TMEM9B: variants seen among roughly 807,000 people sequenced by gnomAD.
TMEM9B encodes the protein transmembrane protein 9B.
In TMEM9B, 8 loss-of-function variants were observed where a neutral mutation model predicts 23.5. The observed-to-expected ratio is 0.34, with a 90% CI of 0.20 to 0.61. The LOEUF (loss-of-function observed/expected upper bound fraction) is 0.61, where lower values mean the gene tolerates loss of function less well. Among genes scored for constraint, TMEM9B ranks in the 20% least tolerant of loss-of-function variants. The pLI is 0.78. For synonymous variants in TMEM9B, 106 were observed against 96.3 expected (o/e 1.10, Z -0.59); for missense variants, 197 against 252.3 (o/e 0.78, Z 1.49).
Position 8,948,082 on chromosome 11 carries a change from A to G in TMEM9B, c.*238T>C. 2.7e-6 allele frequency: 1 copy of G among 375,276 alleles called. No individual in the cohort carries two copies. The highest frequency in any genetic ancestry group is 4.8e-6 in the Non-Finnish European group (1 of 210,234). The allele number at this position is 375,276 out of a possible 1,614,324, so 23.2% of individuals were successfully genotyped here. A position where few individuals can be genotyped will look rare whatever the true frequency, so the allele number is the denominator to read the frequency against. On this transcript the variant is annotated 3_prime_UTR_variant, in exon 5 of 5. Coordinates refer to ENST00000534025, the MANE Select transcript of TMEM9B (RefSeq NM_020644.3). The stretch of plus-strand genomic sequence containing the variant: ...TACAGGCAGATTTATTTTTATTAGT[A>G]AAAGTCACAAATAGGAAAAGACTTA...
intron 1 of TMEM9B, chr11:8,963,883 A>C (rs1168978464): frequency 6.2e-6 from 2 of 324,032 alleles, no homozygotes; most frequent in South Asian, 4.7e-5. Flanking sequence ...CTCGGAGGTG[A>C]AAAGGTTGTC....
At chr11:8,960,613 C>A (rs1421207788) in intron 2 of TMEM9B, among the ~76,000 whole-genome samples, 2 of 151,816 alleles carry the variant, frequency 1.3e-5, no homozygotes, top group African/African-American at 4.8e-5. Context: ...TTACTGATAA[C>A]AGAATAAACT....
chr11:8,952,298 T>TAA (rs1853898659), intron 4 of TMEM9B, among the ~76,000 whole-genome samples: 3 of 136,340 alleles, frequency 2.2e-5, no homozygotes, highest in Non-Finnish European at 4.7e-5. Flanking sequence ...TATATATATA[T>TAA]AAACATATAT....
intron 4 of TMEM9B, among the ~76,000 whole-genome samples, 155 bp from the exon 5 acceptor site, chr11:8,948,630 C>T (rs1005356208): frequency 6.6e-6 from 1 of 152,142 alleles, no homozygotes; most frequent in African/African-American, 2.4e-5. Flanking sequence ...GCTCAACTAC[C>T]AGATAGAGTA....
intron 4 of TMEM9B, chr11:8,952,786 G>A (rs982882604): frequency 3.4e-6 from 1 of 293,110 alleles, no homozygotes; most frequent in African/African-American, 2.2e-5. Context: ...ACTTCATTAA[G>A]AAAAGAACAT....
intron 4 of TMEM9B, 124 bp downstream of exon 4, chr11:8,953,079 G>A: frequency 8.4e-7 from 1 of 1,190,894 alleles, no homozygotes; most frequent in Non-Finnish European, 1.2e-6. Flanking sequence ...GCTGTTTTTA[G>A]CTTCTCTAGT....
At chr11:8,963,015 G>A (rs1437290334) in intron 1 of TMEM9B, among the ~76,000 whole-genome samples, 1 of 152,224 alleles carries the variant, frequency 6.6e-6, no homozygotes, top group Non-Finnish European at 1.5e-5. Context: ...ACCACTTAGT[G>A]AGCATTTGCT....
chr11:8,964,346 C>G lies in TMEM9B; in HGVS notation c.-33G>C, dbSNP rs755404001. 1 of 1,540,264 alleles carries G rather than the reference C, an allele frequency of 6.5e-7. No homozygotes were observed. Among genetic ancestry groups the G allele is most frequent in the Admixed American group, 2.0e-5 (1 of 50,050 alleles). The stretch of plus-strand genomic sequence containing the variant: ...GGCCCAGCGGTCCCACAGCCCGGAG[C>G]CCCCGCGACCGGCTCCCGGCTCGGG... On this transcript the variant is annotated 5_prime_UTR_variant, in exon 1 of 5. Coordinates refer to ENST00000534025, the MANE Select transcript of TMEM9B (RefSeq NM_020644.3).
intron 4 of TMEM9B, among the ~76,000 whole-genome samples, chr11:8,949,262 C>T (rs1220650412): frequency 6.6e-6 from 1 of 152,164 alleles, no homozygotes; most frequent in African/African-American, 2.4e-5. Context: ...AGAAAACCAA[C>T]CTAACCTGGT....
At chr11:8,951,923 T>C (rs939199852) in intron 4 of TMEM9B, among the ~76,000 whole-genome samples, 1 of 151,410 alleles carries the variant, frequency 6.6e-6, no homozygotes. Flanking sequence ...CTGGCCAAAA[T>C]GGTGAAACTC....
intron 4 of TMEM9B, 94 bp downstream of exon 4, chr11:8,953,109 G>T (rs762380544): frequency 6.7e-7 from 1 of 1,490,968 alleles, no homozygotes; most frequent in Non-Finnish European, 9.4e-7. Flanking sequence ...GCTTCAGCAC[G>T]TGAACATCTA....
In TMEM9B at chr11:8,962,110, T is replaced by A; in HGVS notation, c.179A>T (p.Asn60Ile). The A allele has an allele frequency of 6.3e-7, 1 of 1,595,594 alleles. No homozygotes were observed. Among genetic ancestry groups the A allele is most frequent in the Non-Finnish European group, 8.5e-7 (1 of 1,171,428 alleles). Reference sequence around the variant, plus strand: ...TACTTACCAATCTTTCTGAGATATGTTCTTATTATAAATATGCCCAGAATT... The same window carrying A: ...TACTTACCAATCTTTCTGAGATATGATCTTATTATAAATATGCCCAGAATT... Reference protein sequence around the residue: ...KENSGHIYNKNISQKDCDCLH... With the variant: ...KENSGHIYNKIISQKDCDCLH... Residue 60 changes from asparagine (N) to isoleucine (I), a missense_variant, in exon 2 of 5, where the codon AAC becomes ATC. Transcript: ENST00000534025.
intron 2 of TMEM9B, among the ~76,000 whole-genome samples, chr11:8,961,775 G>T (rs974358537): frequency 6.6e-6 from 1 of 152,148 alleles, no homozygotes; most frequent in Non-Finnish European, 1.5e-5. Context: ...AAAGCAAGAG[G>T]GAGAAAGGTC....
rs529823865 is a variant in TMEM9B at position 8,947,213 on chromosome 11, A to G, written c.*1107T>C. On this transcript the variant is annotated 3_prime_UTR_variant, in exon 5 of 5. Transcript: ENST00000534025. ...CAGTAGTCTCAGAACAGGGTACAAA[A>G]TGTCTTTATATCTTCAATCTCATTA... is the stretch of plus-strand genomic sequence containing the variant. 1.1e-3 allele frequency: 162 copies of G among 152,768 alleles called. No individual in the cohort carries two copies. The highest frequency in any genetic ancestry group is 3.6e-3 in the African/African-American group (148 of 41,576). 9.5% of individuals were successfully genotyped at this position (152,768 alleles called of 1,614,324 possible).
Position 8,956,194 on chromosome 11 carries a change from AT to A in TMEM9B, c.301del (p.Ile101SerfsTer6). On this transcript the variant is annotated frameshift_variant, in exon 3 of 5. Coordinates refer to ENST00000534025, the MANE Select transcript of TMEM9B (RefSeq NM_020644.3). LOFTEE classifies it high-confidence loss of function. ...CKYEERSSVT[I>X]KVTIIIYLSI... ...ATAGAGGGATATATATTTTACCTTG[AT>A]TGTGACAGAGCTTCTTTCTTCATAT... 6.2e-7 allele frequency: 1 copy of A among 1,612,980 alleles called. No homozygotes were observed. The highest frequency in any genetic ancestry group is 8.5e-7 in the Non-Finnish European group (1 of 1,179,668).
In TMEM9B at chr11:8,948,130, C is replaced by T; in HGVS notation, c.*190G>A. Reference sequence around the variant, plus strand: ...TTATTGGCTGACTTTGAGCTGTGTGCTTTTAAAAATGTCTCTATTATTACG... The same window carrying T: ...TTATTGGCTGACTTTGAGCTGTGTGTTTTTAAAAATGTCTCTATTATTACG... On this transcript the variant is annotated 3_prime_UTR_variant, in exon 5 of 5. Coordinates refer to ENST00000534025, the MANE Select transcript of TMEM9B (RefSeq NM_020644.3). 1.7e-6 allele frequency: 1 copy of T among 595,148 alleles called. No individual in the cohort carries two copies. Among genetic ancestry groups the T allele is most frequent in the South Asian group, 2.5e-5 (1 of 39,776 alleles). The allele number at this position is 595,148 out of a possible 1,614,324, so 36.9% of individuals were successfully genotyped here.
chr11:8,958,958 G>A (rs530701908), intron 2 of TMEM9B, among the ~76,000 whole-genome samples: 42 of 152,174 alleles, frequency 2.8e-4, no homozygotes, highest in Admixed American at 1.7e-3. Context: ...ATACGGGTAA[G>A]GCCCCACAAC....
chr11:8,963,753 C>T (rs1006253498), intron 1 of TMEM9B, among the ~76,000 whole-genome samples: 1 of 152,098 alleles, frequency 6.6e-6, no homozygotes, highest in Non-Finnish European at 1.5e-5. Context: ...CGGCCCTTGA[C>T]AGGGAAGGCT....
At chr11:8,955,128 G>A (rs1340123522) in intron 3 of TMEM9B, among the ~76,000 whole-genome samples, 2 of 135,440 alleles carry the variant, frequency 1.5e-5, no homozygotes, top group Non-Finnish European at 3.1e-5. Flanking sequence ...TCCAGCCTGG[G>A]CAATAGAGCA....
Sources: gnomAD v4.1 joint callset for allele counts (sites outside exome capture counted in the v4.1 genomes callset) on GRCh38, gnomAD v4.1.1 for gene constraint, MANE v1.5 for transcripts, NCBI Gene and HGNC (gene_info 2026-07-23, HGNC 2026-07-21) for gene names.